The following TOLLIP variants were observed in gnomAD, a reference collection of about 807,000 sequenced individuals.
TOLLIP encodes the protein toll interacting protein, also known as toll-interacting protein.
A neutral mutation model predicts 33.5 loss-of-function variants in TOLLIP; 16 were observed. That is an observed-to-expected ratio of 0.48 (90% CI 0.32 to 0.72). The LOEUF is 0.72. TOLLIP is among the 30% of genes least tolerant of loss of function. The pLI, the probability that TOLLIP is intolerant of heterozygous loss-of-function variation, is 0.03. For synonymous variants in TOLLIP, 176 were observed against 163.7 expected, an observed-to-expected ratio of 1.07 and a Z score of -0.57; for missense variants, 325 against 396.6, an observed-to-expected ratio of 0.82 and a Z score of 1.53.
chr11:1,277,400 G>T lies in TOLLIP; in HGVS notation c.611-147C>A. The stretch of plus-strand genomic sequence containing the variant: ...GTCTCAGCAAACACCAGTCCCGCAA[G>T]ACACCCTGGAAAGGCAAACCCCCAA... On this transcript the variant is annotated intron_variant, in intron 5 of 5. Transcript: ENST00000317204. This position sits in a 1 kb window ranked among gnomAD's most constrained non-coding sequence, Gnocchi z 4.2. The T allele has an allele frequency of 1.6e-6, 1 of 613,920 alleles. No individual in the cohort carries two copies. Among genetic ancestry groups the T allele is most frequent in the Non-Finnish European group, 2.6e-6 (1 of 380,406 alleles). 38.0% of individuals were successfully genotyped at this position (613,920 alleles called of 1,614,324 possible). A position where few individuals can be genotyped will look rare whatever the true frequency, so the allele number is the denominator to read the frequency against.
chr11:1,296,344 C>T (rs927983984), intron 1 of TOLLIP, among the ~76,000 whole-genome samples: 5 of 152,240 alleles, frequency 3.3e-5, no homozygotes, highest in East Asian at 1.9e-4. Flanking sequence ...GAAAGACCTC[C>T]CCACTCTGCA....
chr11:1,279,482 G>A (rs955788854), intron 5 of TOLLIP, among the ~76,000 whole-genome samples: 1 of 152,334 alleles, frequency 6.6e-6, no homozygotes, highest in African/African-American at 2.4e-5. Flanking sequence ...GGGCCTGGCG[G>A]AGAGCAAAGT....
At chr11:1,305,094 TAATC>T (rs1474415680) in intron 1 of TOLLIP, among the ~76,000 whole-genome samples, 1 of 152,204 alleles carries the variant, frequency 6.6e-6, no homozygotes, top group Non-Finnish European at 1.5e-5. Context: ...TCAGACAAAA[TAATC>T]AAAGGCAAGA....
intron 1 of TOLLIP, among the ~76,000 whole-genome samples, chr11:1,304,250 T>C (rs1864364587): frequency 6.6e-6 from 1 of 151,704 alleles, no homozygotes; most frequent in Non-Finnish European, 1.5e-5. Flanking sequence ...GGGAGTACTG[T>C]CCACCTGGAG....
chr11:1,304,676 A>G (rs1007236092), intron 1 of TOLLIP, among the ~76,000 whole-genome samples: 5 of 152,254 alleles, frequency 3.3e-5, no homozygotes, highest in African/African-American at 4.8e-5. Flanking sequence ...GCAGAAGCTG[A>G]TAAGTGCATG....
Position 1,291,476 on chromosome 11 carries a change from C to G in TOLLIP, c.184-1067G>C, listed in dbSNP as rs111521887. Among the ~76,000 whole-genome samples, 18,405 of 150,258 alleles carry G rather than the reference C, an allele frequency of 0.12. 1,480 individuals carry two copies. Among genetic ancestry groups the G allele is most frequent in the Non-Finnish European group, 0.18 (11,911 of 67,250 alleles). On this transcript the variant is annotated intron_variant, in intron 2 of 5. Transcript: ENST00000317204. ...GACCCCCTCTGAGGGAACGGCCAACCTGTCCACACCAACCCCCCTCTGAGA... is the reference window on the plus strand; with the variant it reads ...GACCCCCTCTGAGGGAACGGCCAACGTGTCCACACCAACCCCCCTCTGAGA...
intron 3 of TOLLIP, among the ~76,000 whole-genome samples, chr11:1,289,218 T>C (rs1863851197): frequency 6.6e-6 from 1 of 152,098 alleles, no homozygotes; most frequent in Non-Finnish European, 1.5e-5. Context: ...GCACTTCCCA[T>C]GCGCTCTCTA....
At chr11:1,307,682 G>A (rs5743863) in intron 1 of TOLLIP, among the ~76,000 whole-genome samples, 4,388 of 152,304 alleles carry the variant, frequency 0.029, 202 homozygotes, top group African/African-American at 0.1. Flanking sequence ...TCTCCTGTTA[G>A]GCAGAAAGGA....
At chr11:1,283,332 G>C (rs1379232107) in intron 5 of TOLLIP, 1 of 339,920 alleles carries the variant, frequency 2.9e-6, no homozygotes, top group Non-Finnish European at 5.7e-6. Context: ...CAAGGCCATG[G>C]AGGGCCAGTG....
chr11:1,303,865 A>G lies in TOLLIP; in HGVS notation c.33+5601T>C, dbSNP rs1483004007. On this transcript the variant is annotated intron_variant, in intron 1 of 5. Coordinates refer to ENST00000317204, the MANE Select transcript of TOLLIP (RefSeq NM_019009.4). The surrounding 1 kb of genome is among the most constrained non-coding windows in gnomAD (Gnocchi z 4.2). ...AGCCTGGCCAACATGGTGAAACCCC[A>G]TCTCTACTAAAAATACAAAAATTAG... 6.6e-6 allele frequency among the ~76,000 whole-genome samples: 1 copy of G among 152,084 alleles called. No individual in the cohort carries two copies. The highest frequency in any genetic ancestry group is 1.5e-5 in the Non-Finnish European group (1 of 68,004).
Position 1,278,372 on chromosome 11 carries a change from A to G in TOLLIP, c.611-1119T>C, listed in dbSNP as rs1024047759. On this transcript the variant is annotated intron_variant, in intron 5 of 5. Coordinates refer to ENST00000317204, the MANE Select transcript of TOLLIP (RefSeq NM_019009.4). The surrounding 1 kb of genome is among the most constrained non-coding windows in gnomAD (Gnocchi z 4.7). The stretch of plus-strand genomic sequence containing the variant: ...GGATCACTGGAGCGCTAGAGCCCCA[A>G]TCTTAGGATAGGACTTTTGTTCCTT... Among the ~76,000 whole-genome samples, 3 of 152,156 alleles carry G rather than the reference A, an allele frequency of 2.0e-5. No individual in the cohort carries two copies. The highest frequency in any genetic ancestry group is 4.4e-5 in the Non-Finnish European group (3 of 68,008).
At chr11:1,279,319 C>T (rs1371348103) in intron 5 of TOLLIP, among the ~76,000 whole-genome samples, 1 of 152,210 alleles carries the variant, frequency 6.6e-6, no homozygotes, top group African/African-American at 2.4e-5. Context: ...CTGGCTCACT[C>T]CCCTCCTTCC....
intron 1 of TOLLIP, among the ~76,000 whole-genome samples, chr11:1,302,054 G>C (rs5743900): frequency 0.13 from 19,907 of 152,234 alleles, 1,733 homozygotes; most frequent in Non-Finnish European, 0.2. Flanking sequence ...GTGTCTGAGG[G>C]GCTGGCCCTG....
At chr11:1,304,597 A>C (rs1864374207) in intron 1 of TOLLIP, among the ~76,000 whole-genome samples, 1 of 152,150 alleles carries the variant, frequency 6.6e-6, no homozygotes, top group Non-Finnish European at 1.5e-5. Flanking sequence ...ACAATGATTA[A>C]CTTCTTCTTT....
chr11:1,286,161 C>T (rs1863686398), intron 4 of TOLLIP, 69 bp from the exon 5 acceptor site: 2 of 1,278,334 alleles, frequency 1.6e-6, no homozygotes, highest in Non-Finnish European at 2.2e-6. Context: ...CGGGAATCGC[C>T]CTCCCCACAA....
chr11:1,288,599 C>T, intron 4 of TOLLIP, 25 bp downstream of exon 4: 1 of 1,593,758 alleles, frequency 6.3e-7, no homozygotes, highest in Non-Finnish European at 8.6e-7. Context: ...CAATGCGCCC[C>T]ACCCCGCCCA....
Position 1,275,698 on chromosome 11 carries a change from G to A in TOLLIP, c.*1341C>T, listed in dbSNP as rs1863275319. 2.0e-5 allele frequency: 3 copies of A among 152,168 alleles called. No homozygotes were observed. The highest frequency in any genetic ancestry group is 4.2e-4 in the South Asian group (2 of 4,802). The allele number at this position is 152,168 out of a possible 1,614,324, so 9.4% of individuals were successfully genotyped here. A position where few individuals can be genotyped will look rare whatever the true frequency, so the allele number is the denominator to read the frequency against. On this transcript the variant is annotated 3_prime_UTR_variant, in exon 6 of 6. Transcript: ENST00000317204. The stretch of plus-strand genomic sequence containing the variant: ...TTGACAAAAACCACCCCCAATCGAT[G>A]GCAGAAAGCAGTATTTTCTAGCTGG...
chr11:1,289,587 C>T (rs1432067401), intron 3 of TOLLIP, among the ~76,000 whole-genome samples: 4 of 152,198 alleles, frequency 2.6e-5, no homozygotes, highest in Admixed American at 6.5e-5. Flanking sequence ...TGCTGGTGAG[C>T]GGCCGGACCC....
intron 2 of TOLLIP, among the ~76,000 whole-genome samples, chr11:1,293,723 G>A (rs1053440721): frequency 6.6e-6 from 1 of 152,252 alleles, no homozygotes; most frequent in African/African-American, 2.4e-5. Context: ...CACCTCCAAG[G>A]CCCAGCCAGC....
Sources: allele counts gnomAD v4.1 joint callset (sites outside exome capture counted in the v4.1 genomes callset), GRCh38; gene constraint gnomAD v4.1.1; non-coding constraint Gnocchi (gnomAD v3.1); transcripts MANE v1.5; gene names NCBI Gene and HGNC (gene_info 2026-07-23, HGNC 2026-07-21).